DPP10: variants seen among roughly 807,000 people sequenced by gnomAD.
DPP10 encodes the protein dipeptidyl peptidase like 10.
In DPP10, 33 loss-of-function variants were observed where a neutral mutation model predicts 120.9. That is an observed-to-expected ratio of 0.27 (90% CI 0.21 to 0.37). DPP10 has a LOEUF of 0.37. DPP10 is among the 10% of genes least tolerant of loss of function. The pLI is 1.00. For synonymous variants in DPP10, 337 were observed against 326.1 expected, an observed-to-expected ratio of 1.03 and a Z score of -0.36; for missense variants, 816 against 942.8, an observed-to-expected ratio of 0.87 and a Z score of 1.76.
At chr2:115,127,620 C>A (rs192504897) in intron 1 of DPP10, among the ~76,000 whole-genome samples, 1 of 152,106 alleles carries the variant, frequency 6.6e-6, no homozygotes, top group African/African-American at 2.4e-5. Flanking sequence ...AGGTGTAGTC[C>A]AAAAAGAAAG....
intron 3 of DPP10, among the ~76,000 whole-genome samples, chr2:115,348,191 T>G (rs930052844): frequency 1.3e-5 from 2 of 152,154 alleles, no homozygotes; most frequent in Non-Finnish European, 2.9e-5. Context: ...GGTATCATTT[T>G]CTGAGTCCCA....
At chr2:114,497,415 A>T (rs537896296) in intron 1 of DPP10, among the ~76,000 whole-genome samples, 7 of 86,552 alleles carry the variant, frequency 8.1e-5, no homozygotes, top group Middle Eastern at 7.1e-3. Flanking sequence ...ATACACATAC[A>T]TATGCATCTA....
chr2:115,026,332 G>A (rs574034550), intron 1 of DPP10, among the ~76,000 whole-genome samples: 1 of 151,832 alleles, frequency 6.6e-6, no homozygotes, highest in South Asian at 2.1e-4. Flanking sequence ...GGGTATAAAT[G>A]TATGGATTTA....
At chr2:114,646,535 A>C (rs200973268) in intron 1 of DPP10, among the ~76,000 whole-genome samples, 1 of 152,178 alleles carries the variant, frequency 6.6e-6, no homozygotes, top group East Asian at 1.9e-4. Context: ...GGAACTCCCC[A>C]AATTAATTAA....
intron 1 of DPP10, among the ~76,000 whole-genome samples, chr2:114,943,524 G>A (rs943134629): frequency 6.6e-6 from 1 of 151,954 alleles, no homozygotes; most frequent in East Asian, 1.9e-4. Context: ...CACCTGCCTC[G>A]GCCTCCCAAA....
At chr2:114,575,850 CT>C (rs1690007900) in intron 1 of DPP10, among the ~76,000 whole-genome samples, 2 of 152,134 alleles carry the variant, frequency 1.3e-5, no homozygotes, top group East Asian at 3.9e-4. Context: ...CATTCCAAGC[CT>C]GGCCACTGGC....
chr2:115,191,845 G>T (rs1258753600), intron 1 of DPP10, among the ~76,000 whole-genome samples: 1 of 152,198 alleles, frequency 6.6e-6, no homozygotes, highest in Admixed American at 6.5e-5. Flanking sequence ...TGTGCTAAAA[G>T]ACCTTTAGCT....
chr2:114,541,459 C>T (rs1006677993), intron 1 of DPP10, among the ~76,000 whole-genome samples: 6 of 152,182 alleles, frequency 3.9e-5, no homozygotes, highest in African/African-American at 1.4e-4. Context: ...TCAAAACCCC[C>T]CTTTTTCCTG....
At chr2:114,637,363 C>T (rs1250035808) in intron 1 of DPP10, among the ~76,000 whole-genome samples, 4 of 151,890 alleles carry the variant, frequency 2.6e-5, no homozygotes, top group Admixed American at 2.0e-4. Context: ...CTCCAATCCA[C>T]ACAGGAATTG....
At chr2:114,518,069 ATTTTTTT>A (rs751351962) in intron 1 of DPP10, among the ~76,000 whole-genome samples, 1 of 54,140 alleles carries the variant, frequency 1.8e-5, no homozygotes, top group African/African-American at 6.8e-5. Flanking sequence ...TGAGCTATTC[ATTTTTTT>A]TTTTTTTTTT....
chr2:115,139,166 T>C (rs2050792210), intron 1 of DPP10, among the ~76,000 whole-genome samples: 1 of 152,176 alleles, frequency 6.6e-6, no homozygotes, highest in Non-Finnish European at 1.5e-5. Context: ...GTAATTATAA[T>C]AGGGAACTTG....
chr2:115,737,244 T>C (rs1363812611), intron 8 of DPP10, among the ~76,000 whole-genome samples: 1 of 152,138 alleles, frequency 6.6e-6, no homozygotes, highest in Admixed American at 6.6e-5. Flanking sequence ...GAGAAGGCAA[T>C]ACAATGGGCA....
chr2:114,871,461 A>G (rs781237694), intron 1 of DPP10, among the ~76,000 whole-genome samples: 1 of 152,170 alleles, frequency 6.6e-6, no homozygotes, highest in Admixed American at 6.5e-5. Context: ...CGTTACAAAA[A>G]CTGTAATTAC....
intron 3 of DPP10, among the ~76,000 whole-genome samples, chr2:115,357,668 A>G (rs547655846): frequency 6.6e-6 from 1 of 152,306 alleles, no homozygotes; most frequent in African/African-American, 2.4e-5. Flanking sequence ...CAGTGGGGCC[A>G]CTATGTGGGG....
At chr2:115,213,798 A>G (rs1400692934) in intron 1 of DPP10, among the ~76,000 whole-genome samples, 1 of 152,210 alleles carries the variant, frequency 6.6e-6, no homozygotes, top group East Asian at 1.9e-4. Flanking sequence ...CCTAAGTACT[A>G]TAATGAGAAG....
rs556719109 is a variant in DPP10, at chr2:115,576,913, A to G, written c.441+50941A>G. ...CAGAGACCAGCCTGAGTTGTAATAA[A>G]TTTAGGGAAAGCATTCACTATTATT... is the stretch of plus-strand genomic sequence containing the variant. On this transcript the variant is annotated intron_variant, in intron 5 of 25. Coordinates refer to ENST00000410059, the MANE Select transcript of DPP10 (RefSeq NM_020868.6). Among the ~76,000 whole-genome samples, 3 of 152,326 alleles carry G rather than the reference A, an allele frequency of 2.0e-5. No homozygotes were observed. In the South Asian group the frequency reaches 6.2e-4, roughly 32 times the overall value.
chr2:115,583,526 G>C (rs2082118197), intron 5 of DPP10, among the ~76,000 whole-genome samples: 1 of 152,102 alleles, frequency 6.6e-6, no homozygotes. Context: ...GGGGACTGTT[G>C]ACCAAATGAC....
intron 1 of DPP10, among the ~76,000 whole-genome samples, chr2:114,765,840 G>T (rs761706421): frequency 2.2e-4 from 33 of 152,186 alleles, no homozygotes; most frequent in Non-Finnish European, 4.1e-4. Flanking sequence ...ACAAAGGCTA[G>T]GATAGTTTCA....
At chr2:114,468,847 G>T (rs1679654529) in intron 1 of DPP10, among the ~76,000 whole-genome samples, 1 of 152,070 alleles carries the variant, frequency 6.6e-6, no homozygotes, top group Admixed American at 6.6e-5. Flanking sequence ...TCATATCATT[G>T]AAATATCGCA....
Sources: allele counts gnomAD v4.1 joint callset (sites outside exome capture counted in the v4.1 genomes callset), GRCh38; gene constraint gnomAD v4.1.1; transcripts MANE v1.5; gene names NCBI Gene and HGNC (gene_info 2026-07-23, HGNC 2026-07-21).